Variants in SLC35D4 observed in about 807,000 individuals in gnomAD.
SLC35D4 encodes the protein solute carrier family 35 member D4.
At chr18:23,370,354 G>C in the SLC35D4 span, 2 of 1,335,810 alleles carry the variant, frequency 1.5e-6, no homozygotes, top group Non-Finnish European at 2.1e-6. Context: ...CATGGATAAA[G>C]GCTCCCAAAA....
chr18:23,386,829 G>A, the SLC35D4 span, among the ~76,000 whole-genome samples: 3 of 152,116 alleles, frequency 2.0e-5, no homozygotes, highest in South Asian at 2.1e-4. Flanking sequence ...TTTGTTAAGA[G>A]TGGCATACTC....
chr18:23,355,593 T>C, the SLC35D4 span, among the ~76,000 whole-genome samples: 2 of 12,754 alleles, frequency 1.6e-4, no homozygotes, highest in Admixed American at 1.4e-3. Context: ...TCTGTAATTC[T>C]TTTTTTTTTT....
chr18:23,402,450 T>G, the SLC35D4 span, among the ~76,000 whole-genome samples: 1 of 152,048 alleles, frequency 6.6e-6, no homozygotes, highest in South Asian at 2.1e-4. Context: ...TACCACAAAA[T>G]CAGCAAATTA....
At chr18:23,287,758 T>A in the SLC35D4 span, among the ~76,000 whole-genome samples, 9 of 152,240 alleles carry the variant, frequency 5.9e-5, no homozygotes, top group African/African-American at 2.2e-4. Flanking sequence ...TAGCTCTCCC[T>A]GACTCATCGC....
At chr18:23,246,670 C>T in the SLC35D4 span, among the ~76,000 whole-genome samples, 1 of 151,642 alleles carries the variant, frequency 6.6e-6, no homozygotes, top group Non-Finnish European at 1.5e-5. Context: ...GGATTATATG[C>T]TTGAGCCACC....
At chr18:23,353,076 A>AGTGTGTGTGTGTGTGTGTGT in the SLC35D4 span, among the ~76,000 whole-genome samples, 3,384 of 126,408 alleles carry the variant, frequency 0.027, 138 homozygotes, top group East Asian at 0.066. Context: ...TGAGACAGAC[A>AGTGTGTGTGTGTGTGTGTGT]GTGTGTGTGT....
At chr18:23,300,430 C>A in the SLC35D4 span, among the ~76,000 whole-genome samples, 5 of 152,300 alleles carry the variant, frequency 3.3e-5, no homozygotes, top group East Asian at 7.7e-4. Context: ...CCTCCTTAAT[C>A]ACCAGGGAGA....
At chr18:23,253,956 G>A in the SLC35D4 span, 85 of 1,606,412 alleles carry the variant, frequency 5.3e-5, no homozygotes, top group Non-Finnish European at 7.1e-5. Context: ...CTTTTTCCTG[G>A]TGGCTGGAGG....
the SLC35D4 span, among the ~76,000 whole-genome samples, chr18:23,238,851 C>CCA: frequency 6.6e-6 from 1 of 152,234 alleles, no homozygotes; most frequent in African/African-American, 2.4e-5. Flanking sequence ...TCTCTGAATT[C>CCA]CACATTCCTC....
At chr18:23,318,569 T>C in the SLC35D4 span, among the ~76,000 whole-genome samples, 1 of 152,222 alleles carries the variant, frequency 6.6e-6, no homozygotes. Context: ...ATATCATGGT[T>C]TCCTTTTCAT....
the SLC35D4 span, among the ~76,000 whole-genome samples, chr18:23,293,014 C>A: frequency 2.6e-5 from 4 of 152,048 alleles, no homozygotes; most frequent in Non-Finnish European, 4.4e-5. Context: ...CCGAGGTGGG[C>A]GGATCACTTG....
At chr18:23,431,544 G>A in the SLC35D4 span, among the ~76,000 whole-genome samples, 1 of 151,978 alleles carries the variant, frequency 6.6e-6, no homozygotes, top group Non-Finnish European at 1.5e-5. Context: ...TTAGGGTTTT[G>A]TATGTCTTTT....
At chr18:23,356,745 A>C in the SLC35D4 span, 2 of 1,348,958 alleles carry the variant, frequency 1.5e-6, no homozygotes, top group Non-Finnish European at 1.0e-6. This position sits in a 1 kb window ranked among gnomAD's most constrained non-coding sequence, Gnocchi z 4.1. Flanking sequence ...AAATGCAAGG[A>C]AGGCGTCTTT....
the SLC35D4 span, among the ~76,000 whole-genome samples, chr18:23,408,816 CT>C: frequency 0.3 from 34,907 of 114,756 alleles, 2,904 homozygotes; most frequent in Non-Finnish European, 0.38. Flanking sequence ...TCTTATCTCT[CT>C]TTTTTTTTTT....
chr18:23,290,083 A>G, the SLC35D4 span, among the ~76,000 whole-genome samples: 1 of 152,214 alleles, frequency 6.6e-6, no homozygotes, highest in African/African-American at 2.4e-5. Context: ...CCTGGAGAGT[A>G]TGAAGTGAGA....
At chr18:23,371,923 CTTGTT>C in the SLC35D4 span, among the ~76,000 whole-genome samples, 10 of 111,546 alleles carry the variant, frequency 9.0e-5, 1 homozygote, top group African/African-American at 2.8e-4. Context: ...TTATTTCTTC[CTTGTT>C]TTTTTTGTTT....
the SLC35D4 span, among the ~76,000 whole-genome samples, chr18:23,301,684 C>A: frequency 6.6e-6 from 1 of 152,144 alleles, no homozygotes; most frequent in African/African-American, 2.4e-5. Context: ...TGTGCTTAAA[C>A]TATTCCAAAG....
At chr18:23,355,954 A>G in the SLC35D4 span, among the ~76,000 whole-genome samples, 1 of 152,178 alleles carries the variant, frequency 6.6e-6, no homozygotes. Flanking sequence ...ACTTCTTGGC[A>G]TGATGAGGTC....
the SLC35D4 span, among the ~76,000 whole-genome samples, chr18:23,437,045 C>T: frequency 4.6e-5 from 7 of 152,192 alleles, no homozygotes; most frequent in South Asian, 1.5e-3. Context: ...AGCCCAGAGT[C>T]CAGGCCAGCA....
Sources: allele counts gnomAD v4.1 joint callset (sites outside exome capture counted in the v4.1 genomes callset), GRCh38; gene constraint gnomAD v4.1.1; non-coding constraint Gnocchi (gnomAD v3.1); transcripts MANE v1.5; gene names NCBI Gene and HGNC (gene_info 2026-07-23, HGNC 2026-07-21).